The following SLAMF1 variants were observed in gnomAD, a reference collection of about 807,000 sequenced individuals.
SLAMF1 encodes the protein signaling lymphocytic activation molecule.
SLAMF1 carries 18 observed loss-of-function variants against 35.1 expected under a neutral mutation model. The ratio of observed to expected loss-of-function variants is 0.51; its 90% CI spans 0.35 to 0.76. The LOEUF (loss-of-function observed/expected upper bound fraction) is 0.76. SLAMF1 is among the 30% of genes least tolerant of loss of function. The pLI, the probability that SLAMF1 is intolerant of heterozygous loss-of-function variation, is 0.01. For missense variants in SLAMF1, 392 were observed against 413.0 expected (o/e 0.95, Z 0.44); for synonymous variants, 168 against 157.2 (o/e 1.07, Z -0.51).
At chr1:160,640,359 T>TATATATATATATATATATAC (rs1361053277) in intron 1 of SLAMF1, among the ~76,000 whole-genome samples, 2 of 122,454 alleles carry the variant, frequency 1.6e-5, no homozygotes, top group Admixed American at 8.5e-5. Flanking sequence ...TATATATATA[T>TATATATATATATATATATAC]ACACACACAC....
At chr1:160,639,239 T>C (rs1325472587) in intron 1 of SLAMF1, among the ~76,000 whole-genome samples, 1 of 152,138 alleles carries the variant, frequency 6.6e-6, no homozygotes, top group Admixed American at 6.5e-5. Context: ...TTTTTTTTTT[T>C]CTGTGAGATG....
At chr1:160,641,615 T>A (rs1280155058) in intron 1 of SLAMF1, among the ~76,000 whole-genome samples, 1 of 152,132 alleles carries the variant, frequency 6.6e-6, no homozygotes, top group Non-Finnish European at 1.5e-5. Flanking sequence ...AAGAGACCCT[T>A]ATACCCCACA....
chr1:160,640,325 C>CATCTATAT (rs1660671511), intron 1 of SLAMF1, among the ~76,000 whole-genome samples: 1 of 94,158 alleles, frequency 1.1e-5, no homozygotes, highest in Non-Finnish European at 2.1e-5. Context: ...TTAGGTTTGT[C>CATCTATAT]ATATATATAT....
At chr1:160,635,870 C>T (rs1660429399) in intron 2 of SLAMF1, among the ~76,000 whole-genome samples, 1 of 152,046 alleles carries the variant, frequency 6.6e-6, no homozygotes, top group African/African-American at 2.4e-5. Flanking sequence ...TGAGCCACCT[C>T]ATCATCTTTT....
rs7524977 is a variant in SLAMF1, at chr1:160,632,031, T to C, written c.700+2582A>G. ...CATTTACAAGCCAGGGAGAGGCGCC[T>C]GGGAGAGATCCTTCTCTGACAGCCC... On this transcript the variant is annotated intron_variant, in intron 3 of 6. Transcript: ENST00000302035. Among the ~76,000 whole-genome samples, 1,505 of 151,884 alleles carry C rather than the reference T, an allele frequency of 9.9e-3. 9 individuals are homozygous for C. The highest frequency in any genetic ancestry group is 0.015 in the Non-Finnish European group (1,002 of 67,946).
At chr1:160,615,764 C>T (rs149160) in intron 5 of SLAMF1, 1 of 328,916 alleles carries the variant, frequency 3.0e-6, no homozygotes, top group South Asian at 2.5e-5. Context: ...CTGATGATGA[C>T]TGTCCTTATA....
chr1:160,622,651 C>T (rs1659681010), intron 4 of SLAMF1, among the ~76,000 whole-genome samples: 1 of 152,190 alleles, frequency 6.6e-6, no homozygotes, highest in Non-Finnish European at 1.5e-5. Context: ...GTATTGATAC[C>T]AATCTCCACC....
At chr1:160,633,329 G>A (rs901615758) in intron 3 of SLAMF1, among the ~76,000 whole-genome samples, 1 of 152,144 alleles carries the variant, frequency 6.6e-6, no homozygotes, top group Admixed American at 6.5e-5. Context: ...TGTCTGGGGA[G>A]GAAACATGCA....
chr1:160,634,589 A>T (rs775200123), intron 3 of SLAMF1, 24 bp downstream of exon 3: 2 of 1,568,016 alleles, frequency 1.3e-6, no homozygotes, highest in East Asian at 2.3e-5. Context: ...AAGGTGGCAC[A>T]CAGGCTGCCA....
intron 3 of SLAMF1, among the ~76,000 whole-genome samples, chr1:160,626,112 C>T (rs901971931): frequency 7.9e-5 from 12 of 152,252 alleles, no homozygotes; most frequent in African/African-American, 2.9e-4. Context: ...AGAAGAAACA[C>T]CCCCACCATT....
intron 5 of SLAMF1, among the ~76,000 whole-genome samples, chr1:160,617,470 C>A (rs566632067): frequency 6.6e-6 from 1 of 151,890 alleles, no homozygotes; most frequent in Non-Finnish European, 1.5e-5. Context: ...TATATTCATA[C>A]GTTTATATTC....
chr1:160,624,316 AT>A (rs1388832285), intron 3 of SLAMF1, 131 bp from the exon 4 acceptor site: 1 of 709,162 alleles, frequency 1.4e-6, no homozygotes, highest in East Asian at 2.8e-5. Flanking sequence ...GTTTGTTTTC[AT>A]GGTTTTAGAG....
At chr1:160,643,948 G>A (rs113394032) in intron 1 of SLAMF1, among the ~76,000 whole-genome samples, 2 of 152,284 alleles carry the variant, frequency 1.3e-5, no homozygotes, top group African/African-American at 4.8e-5. Context: ...AAATACTCTT[G>A]TGTACTGTTG....
At chr1:160,646,816 C>A in intron 1 of SLAMF1, 54 bp downstream of exon 1, 1 of 982,572 alleles carries the variant, frequency 1.0e-6, no homozygotes, top group Non-Finnish European at 1.6e-6. Context: ...CGAAGATACG[C>A]TGATTCCTGG....
At chr1:160,623,342 G>A (rs566263192) in intron 4 of SLAMF1, among the ~76,000 whole-genome samples, 2 of 152,142 alleles carry the variant, frequency 1.3e-5, no homozygotes, top group African/African-American at 2.4e-5. Flanking sequence ...ACACAAGTAG[G>A]TCGCTGTGCT....
chr1:160,647,026 C>G lies in SLAMF1; in HGVS notation c.-81G>C, dbSNP rs1558020016. The G allele has an allele frequency of 2.7e-6, 2 of 750,412 alleles. No homozygotes were observed. The highest frequency in any genetic ancestry group is 4.8e-6 in the Non-Finnish European group (2 of 416,690). 46.5% of individuals were successfully genotyped at this position (750,412 alleles called of 1,614,324 possible). On this transcript the variant is annotated 5_prime_UTR_variant, in exon 1 of 7. An upstream start codon of the reference 5' UTR is lost. Coordinates refer to ENST00000302035, the MANE Select transcript of SLAMF1 (RefSeq NM_003037.5). ...TGCCAGGCAGAAGCAAGCTTCGTGT[C>G]ATGCAGCAGAGGCTGTCTGATTTAT... is the stretch of plus-strand genomic sequence containing the variant.
chr1:160,636,382 G>A (rs1660457047), intron 2 of SLAMF1, among the ~76,000 whole-genome samples: 1 of 152,178 alleles, frequency 6.6e-6, no homozygotes, highest in Non-Finnish European at 1.5e-5. Context: ...TGGTTAGGTG[G>A]GAATTCCTGT....
At chr1:160,626,582 AC>A (rs1659892650) in intron 3 of SLAMF1, among the ~76,000 whole-genome samples, 1 of 152,104 alleles carries the variant, frequency 6.6e-6, no homozygotes, top group Non-Finnish European at 1.5e-5. Flanking sequence ...ATTTCACCCA[AC>A]CCACTAATTT....
rs748443722 is a variant in SLAMF1 at position 160,642,985 on chromosome 1, A to T, written c.76+3885T>A. Among the ~76,000 whole-genome samples the T allele has an allele frequency of 6.6e-6, 1 of 152,150 alleles. No individual in the cohort carries two copies. Among genetic ancestry groups the T allele is most frequent in the Non-Finnish European group, 1.5e-5 (1 of 68,014 alleles). On this transcript the variant is annotated intron_variant, in intron 1 of 6. Transcript: ENST00000302035. The surrounding 1 kb of genome is among the most constrained non-coding windows in gnomAD (Gnocchi z 4.2). ...TATCCCAAATGTGCACATGAGATAT[A>T]CTGGATTAGAGTTAAATTTCTTATT...
Sources: gnomAD v4.1 joint callset for allele counts (sites outside exome capture counted in the v4.1 genomes callset) on GRCh38, gnomAD v4.1.1 for gene constraint, Gnocchi (gnomAD v3.1) non-coding constraint, MANE v1.5 for transcripts, NCBI Gene and HGNC (gene_info 2026-07-23, HGNC 2026-07-21) for gene names.